The following VEZT variants were observed in gnomAD, a reference collection of about 807,000 sequenced individuals.
The protein encoded by VEZT is vezatin.
Under a neutral mutation model 79.9 loss-of-function variants are expected in VEZT, and 39 were observed. The observed-to-expected ratio is 0.49, with a 90% CI of 0.38 to 0.64. The LOEUF (loss-of-function observed/expected upper bound fraction) is 0.64, where lower values mean the gene tolerates loss of function less well. Among genes scored for constraint, VEZT ranks in the 30% least tolerant of loss-of-function variants. The pLI, the probability that VEZT is intolerant of heterozygous loss-of-function variation, is 0.00. For synonymous variants in VEZT, 325 were observed against 327.6 expected (o/e 0.99, Z 0.09); for missense variants, 837 against 893.1 (o/e 0.94, Z 0.80).
chr12:95,279,682 CCT>C (rs1248335912), intron 7 of VEZT, among the ~76,000 whole-genome samples: 1 of 152,194 alleles, frequency 6.6e-6, no homozygotes, highest in African/African-American at 2.4e-5. Context: ...ACCCTGAACT[CCT>C]GGGCTCAAGC....
intron 8 of VEZT, chr12:95,286,647 A>T: frequency 2.5e-6 from 1 of 404,744 alleles, no homozygotes; most frequent in African/African-American, 2.1e-5. Context: ...GGACAATCTA[A>T]ATTTTCTTCA....
chr12:95,300,166 C>T lies in VEZT; in HGVS notation c.1833C>T (p.Ala611=), dbSNP rs529936457. Residue 611 remains alanine (A), a splice_region_variant and synonymous_variant, in exon 12 of 12, where the codon GCC becomes GCT. Transcript: ENST00000436874. The stretch of plus-strand genomic sequence containing the variant: ...TTTTTTCTTTTTTTTTATTTGAAGC[C>T]GTGTTGAAATCCTTGTCTCCTGTAG... ...KWKQLLFSDH[A]VLKSLSPVDP... 168 of 1,394,286 alleles carry T rather than the reference C, an allele frequency of 1.2e-4. No homozygotes were observed. Among genetic ancestry groups the T allele is most frequent in the South Asian group, 9.9e-4 (55 of 55,462 alleles). The allele number at this position is 1,394,286 out of a possible 1,614,324, so 86.4% of individuals were successfully genotyped here. A position where few individuals can be genotyped will look rare whatever the true frequency, so the allele number is the denominator to read the frequency against.
intron 7 of VEZT, chr12:95,275,863 C>T (rs1376086057): frequency 1.3e-5 from 2 of 151,886 alleles, no homozygotes; most frequent in Non-Finnish European, 2.9e-5. Context: ...CTTCATTTGA[C>T]TAGCCTAAAA....
At chr12:95,292,763 G>T (rs1594193553) in intron 9 of VEZT, among the ~76,000 whole-genome samples, 1 of 151,034 alleles carries the variant, frequency 6.6e-6, no homozygotes, top group African/African-American at 2.4e-5. Flanking sequence ...TAGCCAGGCT[G>T]GTCTCAAACT....
At chr12:95,234,891 T>C (rs2059808500) in intron 1 of VEZT, among the ~76,000 whole-genome samples, 1 of 151,758 alleles carries the variant, frequency 6.6e-6, no homozygotes, top group Non-Finnish European at 1.5e-5. Flanking sequence ...AGCATCTGTT[T>C]AACAAAGCAC....
chr12:95,264,800 T>C (rs2065176388), intron 4 of VEZT, among the ~76,000 whole-genome samples: 1 of 115,702 alleles, frequency 8.6e-6, no homozygotes, highest in African/African-American at 3.6e-5. Flanking sequence ...TATAACTCTT[T>C]CCAAATATTG....
chr12:95,221,669 C>A lies in VEZT; in HGVS notation c.36+3783C>A, dbSNP rs56130152. Among the ~76,000 whole-genome samples, 213 of 150,970 alleles carry A rather than the reference C, an allele frequency of 1.4e-3. No homozygotes were observed. In the Middle Eastern group the frequency reaches 0.017, roughly 12 times the overall value. ...ACCAGCCTGGTCAACATTAACAAAA[C>A]CCTGCATATTAAAAAAAAAAAAGAA... is the stretch of plus-strand genomic sequence containing the variant. On this transcript the variant is annotated intron_variant, in intron 1 of 11. Coordinates refer to ENST00000436874, the MANE Select transcript of VEZT (RefSeq NM_017599.4).
chr12:95,266,393 C>A lies in VEZT; in HGVS notation c.471C>A (p.Leu157=). Residue 157 remains leucine, a synonymous_variant, in exon 5 of 12, where the codon CTC becomes CTA. Coordinates refer to ENST00000436874, the MANE Select transcript of VEZT (RefSeq NM_017599.4). ...TGCTATTTGCCTTCATTAGCTTGCT[C>A]GTTATGCTTCCCACTTGGTGGATTG... The part of the protein sequence containing the change: ...LSMLFAFISL[L]VMLPTWWIVS... 1.2e-6 allele frequency: 2 copies of A among 1,613,800 alleles called. No homozygotes were observed. Among genetic ancestry groups the A allele is most frequent in the Non-Finnish European group, 1.7e-6 (2 of 1,179,806 alleles).
chr12:95,294,883 A>T (rs1384926155), intron 10 of VEZT, among the ~76,000 whole-genome samples: 2 of 152,162 alleles, frequency 1.3e-5, no homozygotes, highest in Non-Finnish European at 2.9e-5. Flanking sequence ...TTGCAAATGG[A>T]AACCAACCCT....
intron 4 of VEZT, among the ~76,000 whole-genome samples, chr12:95,264,418 A>C (rs969951958): frequency 1.3e-5 from 2 of 152,190 alleles, no homozygotes; most frequent in Non-Finnish European, 2.9e-5. Flanking sequence ...AAGGATTCTA[A>C]AGGAAATTAG....
chr12:95,242,539 G>C (rs921781770), intron 1 of VEZT, among the ~76,000 whole-genome samples: 2 of 152,244 alleles, frequency 1.3e-5, no homozygotes, highest in East Asian at 1.9e-4. Flanking sequence ...GCTCAAGCAG[G>C]CATCCTCAGT....
intron 1 of VEZT, among the ~76,000 whole-genome samples, chr12:95,220,968 G>A (rs1003742408): frequency 6.6e-5 from 10 of 152,134 alleles, no homozygotes; most frequent in African/African-American, 2.2e-4. Context: ...TGTATGAGAG[G>A]TCCCATTGCC....
chr12:95,296,142 A>C lies in VEZT; in HGVS notation c.1715A>C (p.Gln572Pro). ...YYLSQEDKER[Q>P]KREHEESKRV... ...TTGTCTCAAGAAGACAAAGAGAGACAGAAGCGTGAGCATGAAGAATCCAAG... is the reference window on the plus strand; with the variant it reads ...TTGTCTCAAGAAGACAAAGAGAGACCGAAGCGTGAGCATGAAGAATCCAAG... The change falls in exon 11 of 12, where the codon CAG (glutamine) becomes CCG (proline). Residue 572 changes from glutamine (Q) to proline (P), a missense_variant. Transcript: ENST00000436874. 6.4e-7 allele frequency: 1 copy of C among 1,569,634 alleles called. No individual in the cohort carries two copies. Among genetic ancestry groups the C allele is most frequent in the Non-Finnish European group, 8.7e-7 (1 of 1,156,008 alleles).
intron 8 of VEZT, 26 bp downstream of exon 8, chr12:95,282,670 A>G: frequency 6.5e-7 from 1 of 1,540,878 alleles, no homozygotes; most frequent in Non-Finnish European, 8.8e-7. Flanking sequence ...ATACCAAGAA[A>G]GGTCTCGGTA....
At chr12:95,285,950 A>G (rs1402466171) in intron 8 of VEZT, among the ~76,000 whole-genome samples, 2 of 150,990 alleles carry the variant, frequency 1.3e-5, no homozygotes, top group Non-Finnish European at 2.9e-5. Context: ...ATACTAGTAA[A>G]TAAAAAACCA....
In VEZT at chr12:95,296,249, A is replaced by G. The variant is rs781574625; in HGVS notation, c.1822A>G (p.Ser608Gly). 2.5e-6 allele frequency: 4 copies of G among 1,580,412 alleles called. No individual in the cohort carries two copies. In the South Asian group the frequency reaches 4.7e-5, roughly 18 times the overall value. Residue 608 changes from serine (S) to glycine (G), a missense_variant, in exon 11 of 12, where the codon AGT (serine) becomes GGT (glycine). Transcript: ENST00000436874. ...GCAGAAGTGGAAGCAACTTCTATTT[A>G]GTGATCATGGTAAGCACTGACTTTA... ...ERQKWKQLLF[S>G]DHAVLKSLSP... is the part of the protein sequence containing the mutation.
chr12:95,285,333 G>A (rs12423799), intron 8 of VEZT, among the ~76,000 whole-genome samples: 60,583 of 151,286 alleles, frequency 0.4, 12,518 homozygotes, highest in African/African-American at 0.49. Flanking sequence ...AGTCCCAGCT[G>A]CTTGGGAGGC....
chr12:95,246,639 AT>A (rs1354478545), intron 1 of VEZT, among the ~76,000 whole-genome samples: 1 of 152,208 alleles, frequency 6.6e-6, no homozygotes, highest in African/African-American at 2.4e-5. Flanking sequence ...ATTTAGCAAA[AT>A]TCTTTCTGGT....
At chr12:95,234,803 G>A (rs1273268071) in intron 1 of VEZT, among the ~76,000 whole-genome samples, 5 of 152,080 alleles carry the variant, frequency 3.3e-5, no homozygotes, top group Non-Finnish European at 2.9e-5. Context: ...AGGACCCTGC[G>A]GCCTTCCGCA....
Sources: allele counts gnomAD v4.1 joint callset (sites outside exome capture counted in the v4.1 genomes callset), GRCh38; gene constraint gnomAD v4.1.1; transcripts MANE v1.5; gene names NCBI Gene and HGNC (gene_info 2026-07-23, HGNC 2026-07-21).